Variants in MSI2 observed in about 807,000 individuals in gnomAD.
The protein encoded by MSI2 is musashi RNA binding protein 2.
A neutral mutation model predicts 45.6 loss-of-function variants in MSI2; 17 were observed. The observed-to-expected ratio is 0.37, with a 90% CI of 0.26 to 0.56. The LOEUF is 0.56. Among genes scored for constraint, MSI2 ranks in the 20% least tolerant of loss-of-function variants. The pLI is 0.77. For missense variants in MSI2, 293 were observed against 444.2 expected (o/e 0.66, Z 3.06); for synonymous variants, 156 against 158.2 (o/e 0.99, Z 0.11).
At chr17:57,343,707 A>G (rs530229568) in intron 5 of MSI2, among the ~76,000 whole-genome samples, 1 of 152,344 alleles carries the variant, frequency 6.6e-6, no homozygotes, top group Non-Finnish European at 1.5e-5. Flanking sequence ...ACAGGATACA[A>G]TGGAGGATCA....
chr17:57,322,511 T>C (rs777975313), intron 5 of MSI2, among the ~76,000 whole-genome samples: 2 of 152,098 alleles, frequency 1.3e-5, no homozygotes, highest in African/African-American at 4.8e-5. Flanking sequence ...AATAATTCAG[T>C]CATTGTAAAT....
chr17:57,619,091 A>G (rs1488371691), intron 9 of MSI2, among the ~76,000 whole-genome samples: 1 of 152,154 alleles, frequency 6.6e-6, no homozygotes, highest in Non-Finnish European at 1.5e-5. Flanking sequence ...TGTGAAGCGG[A>G]GCCAGCTCAG....
intron 5 of MSI2, among the ~76,000 whole-genome samples, chr17:57,299,439 C>T (rs1235995744): frequency 6.6e-6 from 1 of 152,150 alleles, no homozygotes; most frequent in Non-Finnish European, 1.5e-5. Flanking sequence ...CACGTAACTC[C>T]TCCTTTCACG....
chr17:57,386,695 C>T (rs9912806), intron 5 of MSI2, among the ~76,000 whole-genome samples: 1,524 of 148,036 alleles, frequency 0.01, 4 homozygotes, highest in South Asian at 0.016. Context: ...CTTCTGAAGC[C>T]TCCATGCTGG....
chr17:57,431,302 G>A (rs1025622812), intron 6 of MSI2, among the ~76,000 whole-genome samples: 2 of 152,162 alleles, frequency 1.3e-5, no homozygotes, highest in Non-Finnish European at 2.9e-5. Flanking sequence ...GGTTCAGAAC[G>A]GCCACCATGT....
chr17:57,695,713 G>T, the MSI2 span, among the ~76,000 whole-genome samples: 1 of 152,238 alleles, frequency 6.6e-6, no homozygotes, highest in Non-Finnish European at 1.5e-5. Flanking sequence ...CCCTATATTA[G>T]TCTGCTGTGG....
intron 5 of MSI2, among the ~76,000 whole-genome samples, chr17:57,350,152 G>T (rs1245228835): frequency 2.0e-5 from 3 of 151,724 alleles, no homozygotes; most frequent in Non-Finnish European, 4.4e-5. Context: ...AGAATCTGTT[G>T]TTAATGACTG....
At chr17:57,559,281 G>T (rs1280913192) in intron 7 of MSI2, among the ~76,000 whole-genome samples, 3 of 152,128 alleles carry the variant, frequency 2.0e-5, no homozygotes. Context: ...TAATGCTAAG[G>T]AAATAAGAAG....
intron 5 of MSI2, among the ~76,000 whole-genome samples, chr17:57,346,940 T>C (rs972922817): frequency 3.3e-5 from 5 of 152,134 alleles, no homozygotes; most frequent in African/African-American, 9.7e-5. Flanking sequence ...CTAAACAGAA[T>C]AGGTAATCGA....
intron 5 of MSI2, among the ~76,000 whole-genome samples, chr17:57,287,989 G>T (rs1264463159): frequency 1.3e-5 from 2 of 152,160 alleles, no homozygotes; most frequent in East Asian, 3.9e-4. Context: ...AGGATTCTGA[G>T]CCTCCTCCTC....
intron 6 of MSI2, among the ~76,000 whole-genome samples, chr17:57,512,964 CTTCCTT>C (rs1314832895): frequency 1.6e-4 from 7 of 44,266 alleles, no homozygotes; most frequent in Non-Finnish European, 2.2e-4. Flanking sequence ...GAATTAGCTT[CTTCCTT>C]TTTTTTTTTT....
chr17:57,276,087 T>C (rs1908819358), intron 5 of MSI2, among the ~76,000 whole-genome samples: 1 of 152,180 alleles, frequency 6.6e-6, no homozygotes, highest in Admixed American at 6.5e-5. Context: ...GGAAGATCTT[T>C]TACCTGACCT....
At chr17:57,569,160 T>A (rs1471664219) in intron 7 of MSI2, among the ~76,000 whole-genome samples, 1 of 152,102 alleles carries the variant, frequency 6.6e-6, no homozygotes, top group African/African-American at 2.4e-5. Context: ...AGCTTAGATT[T>A]AGCTGGGAAG....
intron 8 of MSI2, among the ~76,000 whole-genome samples, chr17:57,606,880 T>C (rs760931480): frequency 2.1e-5 from 3 of 140,640 alleles, no homozygotes; most frequent in Non-Finnish European, 4.6e-5. Context: ...GGAAGGGCTG[T>C]GTGAGGTGGG....
intron 6 of MSI2, among the ~76,000 whole-genome samples, chr17:57,482,632 A>G (rs2085670342): frequency 6.6e-6 from 1 of 152,192 alleles, no homozygotes; most frequent in African/African-American, 2.4e-5. Flanking sequence ...CTAGGGTCTC[A>G]GCATCTTCAT....
At chr17:57,534,241 C>A (rs1445340051) in intron 7 of MSI2, among the ~76,000 whole-genome samples, 1 of 152,222 alleles carries the variant, frequency 6.6e-6, no homozygotes, top group South Asian at 2.1e-4. Flanking sequence ...CTGGTTAAAG[C>A]GGAGGAGCTG....
intron 10 of MSI2, among the ~76,000 whole-genome samples, chr17:57,648,293 C>T (rs1053237323): frequency 5.3e-5 from 8 of 152,036 alleles, no homozygotes; most frequent in South Asian, 2.1e-4. Context: ...CATGAGCCAC[C>T]GCGCCTGGCC....
chr17:57,341,335 T>C lies in MSI2; in HGVS notation c.313-60044T>C, dbSNP rs532205220. Among the ~76,000 whole-genome samples, 705 of 152,346 alleles carry C rather than the reference T, an allele frequency of 4.6e-3. 25 individuals carry two copies. Among genetic ancestry groups the C allele is most frequent in the Admixed American group, 0.042 (649 of 15,302 alleles). ...GGATGTGCCCTTCTACCTACCCACC[T>C]GCATTTAAAAGAAAGGTAATCACGT... On this transcript the variant is annotated intron_variant, in intron 5 of 13. Coordinates refer to ENST00000284073, the MANE Select transcript of MSI2 (RefSeq NM_138962.4).
chr17:57,369,058 G>A (rs1275219740), intron 5 of MSI2, among the ~76,000 whole-genome samples: 1 of 152,156 alleles, frequency 6.6e-6, no homozygotes, highest in Non-Finnish European at 1.5e-5. Flanking sequence ...CATTTGGTGA[G>A]GTTTATGGAA....
Sources: allele counts gnomAD v4.1 joint callset (sites outside exome capture counted in the v4.1 genomes callset), GRCh38; gene constraint gnomAD v4.1.1; transcripts MANE v1.5; gene names NCBI Gene and HGNC (gene_info 2026-07-23, HGNC 2026-07-21).